The following PRKAR2B variants were observed in gnomAD, a reference collection of about 807,000 sequenced individuals.
PRKAR2B encodes the protein protein kinase cAMP-dependent type II regulatory subunit beta.
PRKAR2B carries 14 observed loss-of-function variants against 49.9 expected under a neutral mutation model. The observed-to-expected ratio is 0.28, with a 90% confidence interval of 0.19 to 0.44. The LOEUF (loss-of-function observed/expected upper bound fraction) is 0.44. Among genes scored for constraint, PRKAR2B ranks in the 20% least tolerant of loss-of-function variants. The probability of loss-of-function intolerance (pLI) is 1.00; values close to 1 mark genes in which losing one functional copy is unlikely to be tolerated. For synonymous variants in PRKAR2B, 196 were observed against 197.7 expected, an observed-to-expected ratio of 0.99 and a Z score of 0.07; for missense variants, 393 against 537.9, an observed-to-expected ratio of 0.73 and a Z score of 2.67.
intron 2 of PRKAR2B, chr7:107,077,693 C>T (rs1381433445): frequency 6.6e-6 from 1 of 152,182 alleles, no homozygotes; most frequent in East Asian, 1.9e-4. Context: ...AAAATGTTAA[C>T]ATCTGCCTTA....
rs560195986 is a variant in PRKAR2B, at chr7:107,049,277, A to C, written c.307+4063A>C. ...ACACATGGGCACATGCAGAGCAGTC[A>C]ACCTGGGAGAAAAAATAACTACCGT... On this transcript the variant is annotated intron_variant, in intron 1 of 10. Transcript: ENST00000265717. 2.1e-4 allele frequency among the ~76,000 whole-genome samples: 32 copies of C among 152,372 alleles called. No homozygotes were observed. The East Asian group carries it at 5.6e-3, about 27-fold the overall frequency.
At chr7:107,134,023 T>G (rs1375597540) in intron 4 of PRKAR2B, among the ~76,000 whole-genome samples, 1 of 149,178 alleles carries the variant, frequency 6.7e-6, no homozygotes, top group South Asian at 2.1e-4. Context: ...TTATGCCCTG[T>G]TTTTTTTTGT....
chr7:107,056,757 A>G (rs1793921149), intron 1 of PRKAR2B, among the ~76,000 whole-genome samples: 1 of 152,196 alleles, frequency 6.6e-6, no homozygotes, highest in African/African-American at 2.4e-5. Flanking sequence ...TCTCCTAGTA[A>G]TGTTTTACAT....
At chr7:107,109,502 G>A (rs1414798241) in intron 2 of PRKAR2B, among the ~76,000 whole-genome samples, 1 of 151,148 alleles carries the variant, frequency 6.6e-6, no homozygotes, top group Non-Finnish European at 1.5e-5. Context: ...GACTCAAGCA[G>A]TCCTTCCACC....
chr7:107,077,982 A>T (rs1250012279), intron 2 of PRKAR2B: 2 of 152,298 alleles, frequency 1.3e-5, no homozygotes, highest in Non-Finnish European at 2.9e-5. Context: ...CAGGTGGATC[A>T]CCTGAGGTCA....
At chr7:107,047,073 T>C in intron 1 of PRKAR2B, among the ~76,000 whole-genome samples, 1 of 152,168 alleles carries the variant, frequency 6.6e-6, no homozygotes. Flanking sequence ...TAAAAATTGC[T>C]CAGTGTGACT....
chr7:107,112,060 G>C (rs993545603), intron 2 of PRKAR2B, among the ~76,000 whole-genome samples: 3 of 136,636 alleles, frequency 2.2e-5, no homozygotes, highest in African/African-American at 8.1e-5. Context: ...TGTAGTCCTA[G>C]TTACTTGGGA....
intron 1 of PRKAR2B, among the ~76,000 whole-genome samples, chr7:107,067,709 A>C (rs780265906): frequency 6.6e-6 from 1 of 152,224 alleles, no homozygotes; most frequent in Non-Finnish European, 1.5e-5. Flanking sequence ...ATCAAAAAGC[A>C]TTGTACTAGG....
intron 5 of PRKAR2B, among the ~76,000 whole-genome samples, chr7:107,144,346 A>G (rs1307407310): frequency 6.6e-6 from 1 of 151,984 alleles, no homozygotes; most frequent in African/African-American, 2.4e-5. Flanking sequence ...TTGGCCTCCT[A>G]AAGTTCTGGG....
intron 2 of PRKAR2B, among the ~76,000 whole-genome samples, chr7:107,102,066 G>GCATGGTGGCACGTGCCTGTAATCC (rs1794979524): frequency 1.3e-5 from 2 of 151,968 alleles, no homozygotes; most frequent in Non-Finnish European, 2.9e-5. Context: ...AATTAGCCGG[G>GCATGGTGGCACGTGCCTGTAATCC]CATGGTGGCA....
chr7:107,103,508 C>G (rs999308792), intron 2 of PRKAR2B, among the ~76,000 whole-genome samples: 3 of 152,180 alleles, frequency 2.0e-5, no homozygotes, highest in Non-Finnish European at 4.4e-5. Flanking sequence ...ACCTGGGTGA[C>G]GGACATGCAG....
intron 2 of PRKAR2B, among the ~76,000 whole-genome samples, chr7:107,102,775 A>G (rs1350950246): frequency 1.3e-5 from 2 of 152,068 alleles, no homozygotes; most frequent in Non-Finnish European, 2.9e-5. Context: ...GGTTCAGGTG[A>G]TTCTCTGGCC....
chr7:107,146,300 T>G lies in PRKAR2B; in HGVS notation c.588-8T>G. 6.2e-7 allele frequency: 1 copy of G among 1,613,038 alleles called. No individual in the cohort carries two copies. The highest frequency in any genetic ancestry group is 8.5e-7 in the Non-Finnish European group (1 of 1,179,236). On this transcript the variant is annotated splice_polypyrimidine_tract_variant and splice_region_variant and intron_variant, in intron 5 of 10. Transcript: ENST00000265717. ...TGAATTAACCTCCAATCTACATATG[T>G]CCAACAGAGGCACATTTGATATTTA...
Position 107,126,220 on chromosome 7 carries a change from C to T in PRKAR2B, c.397-1992C>T, listed in dbSNP as rs192738329. On this transcript the variant is annotated intron_variant, in intron 3 of 10. Transcript: ENST00000265717. The stretch of plus-strand genomic sequence containing the variant: ...CATCCTGGCTAACATGGTGAAAACC[C>T]GTCTCTACTAAAAATACAAAATACA... Among the ~76,000 whole-genome samples the T allele has an allele frequency of 3.2e-3, 463 of 143,760 alleles. 3 individuals carry two copies. Among genetic ancestry groups the T allele is most frequent in the African/African-American group, 0.011 (436 of 38,720 alleles). 94.3% of individuals were successfully genotyped at this position (143,760 alleles called of 152,430 possible). A position where few individuals can be genotyped will look rare whatever the true frequency, so the allele number is the denominator to read the frequency against.
intron 2 of PRKAR2B, 66 bp from the exon 3 acceptor site, chr7:107,121,886 G>A (rs754606789): frequency 2.5e-5 from 24 of 963,652 alleles, no homozygotes; most frequent in Admixed American, 4.4e-5. Context: ...AAGTGTTAAC[G>A]ATGTACTCAT....
At chr7:107,125,467 A>G (rs1301895650) in intron 3 of PRKAR2B, among the ~76,000 whole-genome samples, 1 of 152,368 alleles carries the variant, frequency 6.6e-6, no homozygotes, top group Non-Finnish European at 1.5e-5. Flanking sequence ...CTAGTACACT[A>G]AAATCACACT....
At chr7:107,104,079 T>G (rs1035272451) in intron 2 of PRKAR2B, among the ~76,000 whole-genome samples, 9 of 152,260 alleles carry the variant, frequency 5.9e-5, no homozygotes, top group African/African-American at 2.2e-4. Flanking sequence ...TGGTCCAGGC[T>G]GGAGTGCAGT....
At chr7:107,122,566 A>T (rs1386793019) in intron 3 of PRKAR2B, among the ~76,000 whole-genome samples, 1 of 152,258 alleles carries the variant, frequency 6.6e-6, no homozygotes, top group Non-Finnish European at 1.5e-5. Flanking sequence ...AGTAAAAAGT[A>T]AACTAAAAGA....
intron 2 of PRKAR2B, among the ~76,000 whole-genome samples, chr7:107,117,713 T>C (rs1184864023): frequency 1.3e-5 from 2 of 152,174 alleles, no homozygotes; most frequent in East Asian, 1.9e-4. Context: ...ATCCTGGAAG[T>C]TGAATAATCC....
Sources: gnomAD v4.1 joint callset for allele counts (sites outside exome capture counted in the v4.1 genomes callset) on GRCh38, gnomAD v4.1.1 for gene constraint, MANE v1.5 for transcripts, NCBI Gene and HGNC (gene_info 2026-07-23, HGNC 2026-07-21) for gene names.